Variants in ZBTB1 observed in about 807,000 individuals in gnomAD.
ZBTB1 encodes zinc finger and BTB domain containing 1.
Under a neutral mutation model 51.6 loss-of-function variants are expected in ZBTB1, and 13 were observed. That is an observed-to-expected ratio of 0.25 (90% confidence interval 0.16 to 0.40). ZBTB1 has a LOEUF of 0.40. ZBTB1 is among the 10% of genes least tolerant of loss of function. The probability of loss-of-function intolerance (pLI) is 1.00; values close to 1 mark genes in which losing one functional copy is unlikely to be tolerated. For synonymous variants in ZBTB1, 240 were observed against 282.2 expected (o/e 0.85, Z 1.50); for missense variants, 567 against 856.5 (o/e 0.66, Z 4.22).
At chr14:64,517,519 T>G (rs2079799070) in intron 1 of ZBTB1, among the ~76,000 whole-genome samples, 1 of 152,058 alleles carries the variant, frequency 6.6e-6, no homozygotes, top group Non-Finnish European at 1.5e-5. Context: ...TTATTATTTA[T>G]TAAATGTCTC....
chr14:64,504,646 C>A, upstream of ZBTB1: 1 of 329,508 alleles, frequency 3.0e-6, no homozygotes, highest in Admixed American at 4.9e-5. Flanking sequence ...GGTGGGCGGG[C>A]GAGAGGGAGG....
chr14:64,509,981 A>G, intron 1 of ZBTB1, among the ~76,000 whole-genome samples: 1 of 73,106 alleles, frequency 1.4e-5, no homozygotes, highest in South Asian at 4.3e-4. Context: ...CGTCTCAATT[A>G]AAAAAAAAAA....
downstream of ZBTB1, among the ~76,000 whole-genome samples, chr14:64,525,579 C>T (rs1268313578): frequency 6.6e-6 from 1 of 151,988 alleles, no homozygotes; most frequent in Non-Finnish European, 1.5e-5. Context: ...TTTTTCGTGA[C>T]TCATCAAAAT....
chr14:64,525,399 A>G (rs1405853211), downstream of ZBTB1, among the ~76,000 whole-genome samples: 1 of 152,214 alleles, frequency 6.6e-6, no homozygotes, highest in Non-Finnish European at 1.5e-5. Flanking sequence ...AAGTAATTAA[A>G]TTTGAAATCC....
At chr14:64,508,065 C>T (rs749564524) in intron 1 of ZBTB1, among the ~76,000 whole-genome samples, 2 of 152,142 alleles carry the variant, frequency 1.3e-5, no homozygotes, top group Non-Finnish European at 2.9e-5. Flanking sequence ...CAGGGTCTCA[C>T]TCCTTAGCCA....
intron 1 of ZBTB1, among the ~76,000 whole-genome samples, chr14:64,509,909 G>A (rs563251726): frequency 5.9e-5 from 9 of 151,774 alleles, no homozygotes; most frequent in South Asian, 2.1e-4. Flanking sequence ...CCTGGGAGGC[G>A]GAGCTTGCAG....
At chr14:64,503,829 G>C (rs1387591143), upstream of ZBTB1, 4 of 156,208 alleles carry the variant, frequency 2.6e-5, no homozygotes, top group Non-Finnish European at 5.6e-5. Context: ...TCTGGTAGCA[G>C]GGGAAAGAGG....
In ZBTB1 at chr14:64,517,774, TATA is replaced by T. The variant is rs1378783456; in HGVS notation, c.-18-3712_-18-3710del. Among the ~76,000 whole-genome samples the T allele has an allele frequency of 4.8e-4, 39 of 80,864 alleles. 1 individual carries two copies. Among genetic ancestry groups the T allele is most frequent in the African/African-American group, 1.9e-3 (34 of 17,720 alleles). 53.0% of individuals were successfully genotyped at this position (80,864 alleles called of 152,430 possible). A position where few individuals can be genotyped will look rare whatever the true frequency, so the allele number is the denominator to read the frequency against. ...ATTTAGAAATATATATATATATATA[TATA>T]TATATTTTTTTTTTTTTTTTTTTTT... is the stretch of plus-strand genomic sequence containing the variant. On this transcript the variant is annotated intron_variant, in intron 1 of 1. Coordinates refer to ENST00000683701, the MANE Select transcript of ZBTB1 (RefSeq NM_001123329.2).
At position 64,524,624 on chromosome 14, in the gene ZBTB1, AAAAT is replaced by A. The variant is rs1417880181; in HGVS notation, c.*982_*985del. The stretch of plus-strand genomic sequence containing the variant: ...TTCCATGTATATTGATAAATCTAAT[AAAAT>A]AAAGAGATCAATTATAAACCTGGTT... On this transcript the variant is annotated 3_prime_UTR_variant, in exon 2 of 2. Transcript: ENST00000683701. The A allele has an allele frequency of 1.0e-6, 1 of 982,128 alleles. No individual in the cohort carries two copies. Among genetic ancestry groups the A allele is most frequent in the African/African-American group, 1.7e-5 (1 of 57,150 alleles). The allele number at this position is 982,128 out of a possible 1,614,324, so 60.8% of individuals were successfully genotyped here. A position where few individuals can be genotyped will look rare whatever the true frequency, so the allele number is the denominator to read the frequency against.
chr14:64,511,963 T>TGACAGC (rs1233965298), intron 1 of ZBTB1, among the ~76,000 whole-genome samples: 1 of 152,236 alleles, frequency 6.6e-6, no homozygotes, highest in African/African-American at 2.4e-5. Flanking sequence ...GGTCTTATCC[T>TGACAGC]GACAGCCACT....
intron 1 of ZBTB1, among the ~76,000 whole-genome samples, chr14:64,515,040 A>G (rs188028438): frequency 2.0e-5 from 3 of 152,354 alleles, no homozygotes; most frequent in Admixed American, 6.5e-5. Context: ...TTTAAACTTG[A>G]GATGAGCCGT....
intron 1 of ZBTB1, among the ~76,000 whole-genome samples, chr14:64,513,652 GTTTATT>G (rs1013580692): frequency 3.3e-5 from 5 of 152,040 alleles, no homozygotes; most frequent in Non-Finnish European, 7.4e-5. Context: ...ATTCAATATA[GTTTATT>G]TTTATTTTTA....
At chr14:64,519,688 G>A (rs998151632) in intron 1 of ZBTB1, among the ~76,000 whole-genome samples, 1 of 151,226 alleles carries the variant, frequency 6.6e-6, no homozygotes, top group Admixed American at 6.6e-5. Context: ...TGTGGCGGGA[G>A]GATTGCTTGA....
At chr14:64,527,452 T>G (rs554962442), downstream of ZBTB1, among the ~76,000 whole-genome samples, 115 of 151,870 alleles carry the variant, frequency 7.6e-4, no homozygotes, top group African/African-American at 2.7e-3. Flanking sequence ...CTACTAAAAA[T>G]ACAAAAAAAT....
chr14:64,515,046 G>C (rs571935914), intron 1 of ZBTB1, among the ~76,000 whole-genome samples: 1 of 152,244 alleles, frequency 6.6e-6, no homozygotes, highest in South Asian at 2.1e-4. Context: ...CTTGAGATGA[G>C]CCGTTAAACT....
intron 1 of ZBTB1, among the ~76,000 whole-genome samples, chr14:64,515,412 T>G (rs1217300622): frequency 6.6e-6 from 1 of 152,146 alleles, no homozygotes; most frequent in Non-Finnish European, 1.5e-5. Context: ...ATAAAGTTCA[T>G]TAACTTTTTT....
At chr14:64,531,946 T>A in exon 3 of ZBTB1, 1 of 1,607,534 alleles carries the variant, frequency 6.2e-7, no homozygotes, top group South Asian at 1.1e-5. Flanking sequence ...CTTCAACAGA[T>A]AATCTTTAAG....
At position 64,521,519 on chromosome 14, in the gene ZBTB1, C is replaced by G. The variant is rs776132804; in HGVS notation, c.15C>G (p.Ser5Arg). The G allele has an allele frequency of 1.9e-6, 3 of 1,605,082 alleles. No homozygotes were observed. Among genetic ancestry groups the G allele is most frequent in the Non-Finnish European group, 1.7e-6 (2 of 1,175,700 alleles). MAKP[S>R]HSSYVLQQLN... is the part of the protein sequence containing the mutation. ...ATTAACAGAAGATGGCAAAGCCCAGCCACAGCAGCTATGTCCTTCAGCAGC... is the reference window on the plus strand; with the variant it reads ...ATTAACAGAAGATGGCAAAGCCCAGGCACAGCAGCTATGTCCTTCAGCAGC... The change falls in exon 2 of 2, where the codon AGC becomes AGG. Residue 5 changes from serine to arginine, a missense_variant. Physicochemically the swap from Ser to Arg is moderately radical, Grantham distance 110. Around this residue, in one of 5 missense-constraint regions of ZBTB1, gnomAD observed 69 missense variants for 136.4 expected, o/e 0.51. Transcript: ENST00000683701.
At chr14:64,507,930 G>A (rs1743165421) in intron 1 of ZBTB1, among the ~76,000 whole-genome samples, 1 of 152,202 alleles carries the variant, frequency 6.6e-6, no homozygotes, top group South Asian at 2.1e-4. Flanking sequence ...ATGGGATGGG[G>A]TTCCTCTTGA....
Sources: gnomAD v4.1 joint callset for allele counts (sites outside exome capture counted in the v4.1 genomes callset) on GRCh38, gnomAD v4.1.1 for gene constraint, gnomAD v4.1.1 regional missense constraint, MANE v1.5 for transcripts, NCBI Gene and HGNC (gene_info 2026-07-23, HGNC 2026-07-21) for gene names.